Variants in RXRA observed in about 807,000 individuals in gnomAD.
The protein encoded by RXRA is retinoid X receptor alpha, also known as retinoic acid receptor RXR-alpha.
RXRA carries 5 observed loss-of-function variants against 44.5 expected under a neutral mutation model. That is an observed-to-expected ratio of 0.11 (90% CI 0.06 to 0.24). The LOEUF is 0.24. RXRA is among the 10% of genes least tolerant of loss of function. The pLI, the probability that RXRA is intolerant of heterozygous loss-of-function variation, is 1.00. For synonymous variants in RXRA, 291 were observed against 271.4 expected (o/e 1.07, Z -0.71); for missense variants, 412 against 646.5 (o/e 0.64, Z 3.93).
chr9:134,344,335 G>A (rs1025641674), intron 1 of RXRA, among the ~76,000 whole-genome samples: 19 of 152,226 alleles, frequency 1.2e-4, no homozygotes, highest in Admixed American at 6.5e-5. Flanking sequence ...CTAGCCTGGT[G>A]TCTGGAGAGA....
intron 1 of RXRA, among the ~76,000 whole-genome samples, chr9:134,327,433 G>A (rs1192738189): frequency 1.3e-5 from 2 of 152,144 alleles, no homozygotes; most frequent in African/African-American, 4.8e-5. Context: ...CCGAGAAGGG[G>A]GAGAGGGCAT....
Position 134,349,345 on chromosome 9 carries a change from CTGG to C in RXRA, c.28+22690_28+22692del, listed in dbSNP as rs1418425454. The stretch of plus-strand genomic sequence containing the variant: ...GCCTGTTGGGCCGGGGCGCCTCGGC[CTGG>C]TGGAGGGCTTCGCCGAGCTTGGTGG... On this transcript the variant is annotated intron_variant, in intron 1 of 9. Transcript: ENST00000481739. The surrounding 1 kb of genome is among the most constrained non-coding windows in gnomAD (Gnocchi z 4.3). 2.0e-5 allele frequency among the ~76,000 whole-genome samples: 3 copies of C among 152,182 alleles called. No individual in the cohort carries two copies. Among genetic ancestry groups the C allele is most frequent in the Non-Finnish European group, 4.4e-5 (3 of 68,030 alleles).
rs1198839262 is a variant in RXRA at position 134,349,534 on chromosome 9, A to T, written c.28+22875A>T. On this transcript the variant is annotated intron_variant, in intron 1 of 9. Transcript: ENST00000481739. This position sits in a 1 kb window ranked among gnomAD's most constrained non-coding sequence, Gnocchi z 4.3. ...CTCGGCCCTGAAGCTCGTGGCGGGC[A>T]GGAGTGTGCACGGACAGGGACCCAG... 6.6e-6 allele frequency among the ~76,000 whole-genome samples: 1 copy of T among 152,102 alleles called. No individual in the cohort carries two copies. The highest frequency in any genetic ancestry group is 2.4e-5 in the African/African-American group (1 of 41,422).
chr9:134,409,168 T>G, intron 4 of RXRA, 49 bp downstream of exon 4: 1 of 1,485,410 alleles, frequency 6.7e-7, no homozygotes, highest in Non-Finnish European at 9.0e-7. Flanking sequence ...GGACAAACAG[T>G]GGGGCCCGGG....
At chr9:134,340,818 C>T (rs1830077273) in intron 1 of RXRA, among the ~76,000 whole-genome samples, 1 of 152,216 alleles carries the variant, frequency 6.6e-6, no homozygotes, top group Non-Finnish European at 1.5e-5. Context: ...CGGAATTCTG[C>T]GCCCTGGGAG....
chr9:134,380,689 C>T (rs1243240506), intron 1 of RXRA, among the ~76,000 whole-genome samples: 2 of 152,118 alleles, frequency 1.3e-5, no homozygotes, highest in African/African-American at 4.8e-5. Flanking sequence ...TGTGGCTTGT[C>T]CCAGCTCCTG....
At chr9:134,378,417 G>A (rs1465821802) in intron 1 of RXRA, among the ~76,000 whole-genome samples, 1 of 152,232 alleles carries the variant, frequency 6.6e-6, no homozygotes, top group Non-Finnish European at 1.5e-5. Context: ...GAGGGCTGTG[G>A]CCATCTGCCT....
Position 134,417,117 on chromosome 9 carries a change from C to T in RXRA, c.611-41C>T, listed in dbSNP as rs375217514. 5.3e-5 allele frequency: 84 copies of T among 1,579,416 alleles called. No individual in the cohort carries two copies. Among genetic ancestry groups the T allele is most frequent in the African/African-American group, 4.3e-4 (32 of 74,574 alleles). On this transcript the variant is annotated intron_variant, in intron 4 of 9. Transcript: ENST00000481739. The surrounding 1 kb of genome is among the most constrained non-coding windows in gnomAD (Gnocchi z 6.1). ...ACAGCCTTCCCTGGGAGCCACTGGC[C>T]GGGCTGAGCGTGGGGCTCACCTGCG...
chr9:134,394,479 C>A (rs1303990431), intron 1 of RXRA, among the ~76,000 whole-genome samples: 1 of 152,124 alleles, frequency 6.6e-6, no homozygotes, highest in Non-Finnish European at 1.5e-5. Context: ...TGTCTCCTGA[C>A]TGAGGCTTGG....
At chr9:134,350,492 G>C (rs1198468094) in intron 1 of RXRA, among the ~76,000 whole-genome samples, 6 of 152,234 alleles carry the variant, frequency 3.9e-5, no homozygotes, top group Admixed American at 6.5e-5. Context: ...TGGGCGGTCA[G>C]CTCCATTCGG....
intron 1 of RXRA, among the ~76,000 whole-genome samples, chr9:134,400,125 G>A (rs1031743161): frequency 5.3e-5 from 8 of 152,212 alleles, no homozygotes; most frequent in Non-Finnish European, 1.0e-4. Context: ...CCACGCTGCC[G>A]AGTGGTGGTG....
At chr9:134,434,268 C>A (rs552029214) in intron 9 of RXRA, 61 bp downstream of exon 9, 1 of 1,292,638 alleles carries the variant, frequency 7.7e-7, no homozygotes, top group Non-Finnish European at 1.1e-6. Context: ...AGAGCCCCCA[C>A]CCCCTGCAAG....
rs1831333997 is a variant in RXRA at position 134,421,688 on chromosome 9, G to A, written c.793G>A (p.Val265Ile). The change falls in exon 6 of 10, where the codon GTC (valine) becomes ATC (isoleucine). Residue 265 changes from valine (V) to isoleucine (I), a missense_variant. Physicochemically the swap from Val to Ile is conservative, Grantham distance 29. This residue lies in a region of RXRA where 67 missense variants were observed against 78.7 expected (regional missense o/e 0.85). Coordinates refer to ENST00000481739, the MANE Select transcript of RXRA (RefSeq NM_002957.6). ...GLNPSSPNDP[V>I]TNICQAADKQ... ...TCCTCCACTGCAGCCGAACGACCCTGTCACCAACATTTGCCAAGCAGCCGA... is the reference window on the plus strand; with the variant it reads ...TCCTCCACTGCAGCCGAACGACCCTATCACCAACATTTGCCAAGCAGCCGA... 6.4e-7 allele frequency: 1 copy of A among 1,568,842 alleles called. No individual in the cohort carries two copies. Among genetic ancestry groups the A allele is most frequent in the East Asian group, 2.3e-5 (1 of 44,324 alleles).
chr9:134,417,101 C>G lies in RXRA; in HGVS notation c.611-57C>G. 1 of 1,553,284 alleles carries G rather than the reference C, an allele frequency of 6.4e-7. No homozygotes were observed. The highest frequency in any genetic ancestry group is 8.7e-7 in the Non-Finnish European group (1 of 1,151,240). On this transcript the variant is annotated intron_variant, in intron 4 of 9. Transcript: ENST00000481739. This position sits in a 1 kb window ranked among gnomAD's most constrained non-coding sequence, Gnocchi z 6.1. ...GCACCACCCGGCCAGGACAGCCTTC[C>G]CTGGGAGCCACTGGCCGGGCTGAGC...
intron 1 of RXRA, among the ~76,000 whole-genome samples, chr9:134,333,841 C>T (rs553197242): frequency 4.6e-5 from 7 of 152,268 alleles, no homozygotes; most frequent in South Asian, 4.1e-4. Context: ...CTGAATCGGG[C>T]GCTCTCGGGC....
chr9:134,348,892 C>T (rs1045071668), intron 1 of RXRA, among the ~76,000 whole-genome samples: 5 of 152,230 alleles, frequency 3.3e-5, no homozygotes, highest in Admixed American at 2.0e-4. Flanking sequence ...GAAACACCCA[C>T]GACCCCCAGA....
rs12336087 is a variant in RXRA, at chr9:134,434,866, A to C, written c.1241+659A>C. Among the ~76,000 whole-genome samples, 263 of 103,780 alleles carry C rather than the reference A, an allele frequency of 2.5e-3. 3 individuals carry two copies. The highest frequency in any genetic ancestry group is 6.3e-3 in the Admixed American group (58 of 9,182). 68.1% of individuals were successfully genotyped at this position (103,780 alleles called of 152,430 possible). ...TTGATCCTCAGACTGTGGGGCGGGG[A>C]GGGGGTCGGGGGAGGTGGGGCCCAG... On this transcript the variant is annotated intron_variant, in intron 9 of 9. Coordinates refer to ENST00000481739, the MANE Select transcript of RXRA (RefSeq NM_002957.6).
intron 5 of RXRA, among the ~76,000 whole-genome samples, chr9:134,419,532 T>G (rs1831293207): frequency 1.3e-5 from 2 of 152,170 alleles, no homozygotes; most frequent in South Asian, 4.1e-4. Flanking sequence ...ACTGGGCCCC[T>G]TCTCTCAGAT....
intron 1 of RXRA, among the ~76,000 whole-genome samples, chr9:134,375,979 C>G (rs1324680027): frequency 6.6e-6 from 1 of 150,750 alleles, no homozygotes; most frequent in African/African-American, 2.4e-5. Flanking sequence ...CCCCCCACCC[C>G]ACCCCGCCAG....
Sources: allele counts gnomAD v4.1 joint callset (sites outside exome capture counted in the v4.1 genomes callset), GRCh38; gene constraint gnomAD v4.1.1; regional missense constraint gnomAD v4.1.1; non-coding constraint Gnocchi (gnomAD v3.1); transcripts MANE v1.5; gene names NCBI Gene and HGNC (gene_info 2026-07-23, HGNC 2026-07-21).